Variants in LIMCH1 observed in about 807,000 individuals in gnomAD.
The protein encoded by LIMCH1 is LIM and calponin homology domains-containing protein 1.
LIMCH1 carries 113 observed loss-of-function variants against 176.5 expected under a neutral mutation model. The ratio of observed to expected loss-of-function variants is 0.64; its 90% CI spans 0.55 to 0.75. LIMCH1 has a LOEUF of 0.75. Ranked by LOEUF, LIMCH1 falls within the 30% of genes least tolerant of loss-of-function variation. LIMCH1 has a pLI of 0.00. For missense variants in LIMCH1, 1,674 were observed against 1,814.9 expected, an observed-to-expected ratio of 0.92 and a Z score of 1.41; for synonymous variants, 619 against 645.9, an observed-to-expected ratio of 0.96 and a Z score of 0.63.
chr4:41,420,157 C>T (rs2060488633), intron 1 of LIMCH1, among the ~76,000 whole-genome samples: 1 of 152,078 alleles, frequency 6.6e-6, no homozygotes, highest in African/African-American at 2.4e-5. Flanking sequence ...TACTGTCAGC[C>T]AGACCTGAGG....
chr4:41,514,005 T>TAAAAAAAAAAAAAAAAAAAA (rs71198665), intron 2 of LIMCH1, among the ~76,000 whole-genome samples: 6 of 48,526 alleles, frequency 1.2e-4, no homozygotes, highest in Non-Finnish European at 2.0e-4. Context: ...GACTCCGTCT[T>TAAAAAAAAAAAAAAAAAAAA]AAAAAAAAAA....
At chr4:41,461,551 A>C (rs2154153314) in intron 1 of LIMCH1, among the ~76,000 whole-genome samples, 1 of 152,300 alleles carries the variant, frequency 6.6e-6, no homozygotes, top group East Asian at 1.9e-4. Context: ...AAATCTCTAG[A>C]GCACGAGTAC....
Position 41,486,958 on chromosome 4 carries a change from A to G in LIMCH1, c.97-7578A>G, listed in dbSNP as rs570700224. The stretch of plus-strand genomic sequence containing the variant: ...TACCACGCCCAGCTGATATATATAT[A>G]TACACACACACACATACATACACAC... On this transcript the variant is annotated intron_variant, in intron 1 of 26. Transcript: ENST00000313860. 6.9e-3 allele frequency among the ~76,000 whole-genome samples: 818 copies of G among 117,760 alleles called. 3 individuals carry two copies. The highest frequency in any genetic ancestry group is 0.018 in the African/African-American group (538 of 30,484). 77.3% of individuals were successfully genotyped at this position (117,760 alleles called of 152,430 possible).
At chr4:41,442,179 A>C (rs1386863647) in intron 1 of LIMCH1, among the ~76,000 whole-genome samples, 1 of 152,150 alleles carries the variant, frequency 6.6e-6, no homozygotes, top group African/African-American at 2.4e-5. Context: ...ATGCACCTGT[A>C]GTTTCAGCTA....
Position 41,629,714 on chromosome 4 carries a change from CAA to C in LIMCH1, c.1253_1254del (p.Lys418SerfsTer17), listed in dbSNP as rs948605891. On this transcript the variant is annotated frameshift_variant, in exon 9 of 32. Coordinates refer to ENST00000503057, the MANE Select transcript of LIMCH1 (RefSeq NM_001330672.2). LOFTEE classifies it high-confidence loss of function. The part of the protein sequence containing the change: ...EADLETWERL[K>X]VSEKARDGDV... ...CTGACTTGGAGACGTGGGAGAGACT[CAA>C]AGTGTCAGAAAAGGCGAGGTGTGTC... 3.9e-6 allele frequency: 6 copies of C among 1,535,732 alleles called. No homozygotes were observed. The African/African-American group carries it at 8.2e-5, about 21-fold the overall frequency.
At chr4:41,479,323 G>A (rs1323678993) in intron 1 of LIMCH1, among the ~76,000 whole-genome samples, 1 of 152,156 alleles carries the variant, frequency 6.6e-6, no homozygotes. Flanking sequence ...TGTGATCACA[G>A]CTCACTGCAG....
intron 1 of LIMCH1, among the ~76,000 whole-genome samples, chr4:41,485,547 G>C (rs1272392638): frequency 3.9e-5 from 6 of 152,172 alleles, no homozygotes; most frequent in Admixed American, 1.3e-4. Flanking sequence ...GTACTTCTGA[G>C]GGTCCCCTTT....
At chr4:41,468,351 T>TCCCC (rs1344622070) in intron 1 of LIMCH1, among the ~76,000 whole-genome samples, 5 of 20,172 alleles carry the variant, frequency 2.5e-4, no homozygotes, top group Non-Finnish European at 2.7e-4. Context: ...CCCCTCCTCC[T>TCCCC]CCTCCCTCCC....
intron 19 of LIMCH1, among the ~76,000 whole-genome samples, chr4:41,662,419 C>CA (rs1256857542): frequency 1.3e-5 from 2 of 151,932 alleles, no homozygotes; most frequent in East Asian, 1.9e-4. Flanking sequence ...CATTGAAATA[C>CA]AAAAAAAGGA....
chr4:41,665,622 C>T (rs997653044), intron 20 of LIMCH1, among the ~76,000 whole-genome samples: 3 of 152,124 alleles, frequency 2.0e-5, no homozygotes, highest in African/African-American at 7.2e-5. Context: ...ATAGGGAACA[C>T]AGCCACCAGC....
At position 41,663,873 on chromosome 4, in the gene LIMCH1, AT is replaced by A. The variant is rs1200360275; in HGVS notation, c.3291+890del. Among the ~76,000 whole-genome samples, 110 of 149,544 alleles carry A rather than the reference AT, an allele frequency of 7.4e-4. 2 individuals carry two copies. In the South Asian group the frequency reaches 0.018, roughly 25 times the overall value. On this transcript the variant is annotated intron_variant, in intron 20 of 31. Coordinates refer to ENST00000503057, the MANE Select transcript of LIMCH1 (RefSeq NM_001330672.2). ...TCTCTAAAAAAAAAAAAAAAAAAAA[AT>A]AGTAATAATAATAATAGTTAGCCAG...
At chr4:41,676,571 G>C in intron 23 of LIMCH1, 109 bp downstream of exon 23, 2 of 801,568 alleles carry the variant, frequency 2.5e-6, no homozygotes, top group Non-Finnish European at 2.1e-6. Context: ...AGTTATTCTC[G>C]GAAGTTAGTG....
intron 1 of LIMCH1, among the ~76,000 whole-genome samples, chr4:41,421,635 G>A (rs2060614068): frequency 6.6e-6 from 1 of 151,992 alleles, no homozygotes; most frequent in African/African-American, 2.4e-5. Flanking sequence ...GTATGCCATT[G>A]GTCTTTTCAT....
intron 1 of LIMCH1, among the ~76,000 whole-genome samples, chr4:41,557,546 CTGTGTG>C (rs34757433): frequency 1.4e-5 from 2 of 147,840 alleles, no homozygotes; most frequent in East Asian, 2.0e-4. Flanking sequence ...TTTATTGCCT[CTGTGTG>C]TGTGTGTGTG....
chr4:41,487,655 T>C, intron 1 of LIMCH1, among the ~76,000 whole-genome samples: 1 of 83,146 alleles, frequency 1.2e-5, no homozygotes, highest in Non-Finnish European at 2.3e-5. Context: ...TTTATATTCT[T>C]TTTTTTTTTT....
At chr4:41,450,624 G>A (rs1312382231) in intron 1 of LIMCH1, among the ~76,000 whole-genome samples, 14 of 151,722 alleles carry the variant, frequency 9.2e-5, no homozygotes, top group Admixed American at 1.3e-4. Flanking sequence ...GTGAAATCCC[G>A]TCTCTACTGA....
intron 1 of LIMCH1, among the ~76,000 whole-genome samples, chr4:41,363,528 A>G (rs529699241): frequency 4.6e-5 from 7 of 152,164 alleles, no homozygotes; most frequent in African/African-American, 1.7e-4. Flanking sequence ...TCTCGCCTCG[A>G]TTCTTGGTCT....
Position 41,605,955 on chromosome 4 carries a change from C to T in LIMCH1, c.-41C>T, listed in dbSNP as rs189664079. The T allele has an allele frequency of 1.7e-5, 27 of 1,613,838 alleles. No individual in the cohort carries two copies. The highest frequency in any genetic ancestry group is 8.3e-5 in the Admixed American group (5 of 60,018). On this transcript the variant is annotated 5_prime_UTR_variant, in exon 4 of 32. It adds an upstream start codon to the 5' untranslated region. Coordinates refer to ENST00000503057, the MANE Select transcript of LIMCH1 (RefSeq NM_001330672.2). ...AACAGCTGCACATCCTACAGCGGAACGACACTAAACCTGAAGGAGTTTGAA... is the reference window on the plus strand; with the variant it reads ...AACAGCTGCACATCCTACAGCGGAATGACACTAAACCTGAAGGAGTTTGAA...
At chr4:41,428,192 C>T (rs888693678) in intron 1 of LIMCH1, among the ~76,000 whole-genome samples, 8 of 152,058 alleles carry the variant, frequency 5.3e-5, no homozygotes, top group East Asian at 3.9e-4. Context: ...AGTATGAGGT[C>T]GTGGTAAAGA....
Sources: gnomAD v4.1 joint callset for allele counts (sites outside exome capture counted in the v4.1 genomes callset) on GRCh38, gnomAD v4.1.1 for gene constraint, MANE v1.5 for transcripts, NCBI Gene and HGNC (gene_info 2026-07-23, HGNC 2026-07-21) for gene names.